MBNL2: variants seen among roughly 807,000 people sequenced by gnomAD.
MBNL2 encodes the protein muscleblind-like protein 2.
MBNL2 carries 17 observed loss-of-function variants against 41.9 expected under a neutral mutation model. The ratio of observed to expected loss-of-function variants is 0.41; its 90% confidence interval spans 0.28 to 0.61. The LOEUF is 0.61. Ranked by LOEUF, MBNL2 falls within the 20% of genes least tolerant of loss-of-function variation. The pLI, the probability that MBNL2 is intolerant of heterozygous loss-of-function variation, is 0.35. For missense variants in MBNL2, 336 were observed against 505.6 expected (o/e 0.66, Z 3.22); for synonymous variants, 195 against 182.9 (o/e 1.07, Z -0.53).
At chr13:97,299,648 A>ATATCTATCTATCTATCTATCTATC (rs59785563) in intron 2 of MBNL2, among the ~76,000 whole-genome samples, 4 of 149,250 alleles carry the variant, frequency 2.7e-5, no homozygotes, top group East Asian at 2.0e-4. Flanking sequence ...TAGAATTACT[A>ATATCTATCTATCTATCTATCTATC]TATCTATCTA....
the MBNL2 span, among the ~76,000 whole-genome samples, chr13:97,169,534 G>A: frequency 1.3e-5 from 2 of 152,200 alleles, no homozygotes; most frequent in African/African-American, 4.8e-5. Context: ...AGTTTTCTGA[G>A]AAAACTCAAG....
the MBNL2 span, among the ~76,000 whole-genome samples, chr13:97,213,931 G>A: frequency 2.6e-5 from 4 of 152,052 alleles, no homozygotes; most frequent in Non-Finnish European, 4.4e-5. Context: ...TATTCCCCAC[G>A]TCCATTCCAT....
At chr13:97,214,556 A>C in the MBNL2 span, among the ~76,000 whole-genome samples, 1 of 152,198 alleles carries the variant, frequency 6.6e-6, no homozygotes, top group Non-Finnish European at 1.5e-5. Context: ...TCCGATAGCC[A>C]CTGGACCCAT....
intron 2 of MBNL2, among the ~76,000 whole-genome samples, chr13:97,299,975 A>G (rs1018419453): frequency 2.0e-5 from 3 of 152,178 alleles, no homozygotes; most frequent in African/African-American, 7.2e-5. Context: ...GTGTTCTTCC[A>G]TCATTCAAGG....
the MBNL2 span, among the ~76,000 whole-genome samples, chr13:97,152,595 C>T: frequency 6.6e-6 from 1 of 152,048 alleles, no homozygotes; most frequent in Non-Finnish European, 1.5e-5. Context: ...TTCTCAATAC[C>T]ACACTGGAAA....
intron 1 of MBNL2, among the ~76,000 whole-genome samples, chr13:97,231,798 G>A (rs1361166601): frequency 6.6e-6 from 1 of 151,710 alleles, no homozygotes; most frequent in Non-Finnish European, 1.5e-5. Flanking sequence ...CTGCTCCAGA[G>A]TTGTTTTTTT....
the MBNL2 span, among the ~76,000 whole-genome samples, chr13:97,148,930 C>A: frequency 6.6e-6 from 1 of 152,236 alleles, no homozygotes; most frequent in Non-Finnish European, 1.5e-5. Flanking sequence ...CATGCATACA[C>A]ACAAGAACAT....
intron 1 of MBNL2, among the ~76,000 whole-genome samples, chr13:97,260,438 A>G (rs1424167044): frequency 6.6e-6 from 1 of 152,172 alleles, no homozygotes; most frequent in Non-Finnish European, 1.5e-5. Flanking sequence ...GTCCCTCAGG[A>G]TGATTTATTG....
chr13:97,150,596 T>G, the MBNL2 span, among the ~76,000 whole-genome samples: 1 of 152,228 alleles, frequency 6.6e-6, no homozygotes, highest in Admixed American at 6.5e-5. Flanking sequence ...GACTTCATTT[T>G]CACTCAATGC....
the MBNL2 span, among the ~76,000 whole-genome samples, chr13:97,188,128 C>T: frequency 6.6e-6 from 1 of 152,120 alleles, no homozygotes; most frequent in Admixed American, 6.5e-5. Flanking sequence ...AATGAAGTTA[C>T]AAAAGGTGAG....
At chr13:97,271,442 T>TTATA (rs1489701344) in intron 1 of MBNL2, among the ~76,000 whole-genome samples, 4 of 150,762 alleles carry the variant, frequency 2.7e-5, no homozygotes, top group African/African-American at 9.9e-5. Context: ...ATTTATTTAT[T>TTATA]TCTAAAAAAA....
At chr13:97,357,732 A>C in intron 7 of MBNL2, 97 bp downstream of exon 7, 1 of 1,176,290 alleles carries the variant, frequency 8.5e-7, no homozygotes, top group African/African-American at 1.5e-5. Context: ...TTGCTTTTGA[A>C]GGTATAATAC....
the MBNL2 span, among the ~76,000 whole-genome samples, chr13:97,214,260 CTT>C: frequency 6.6e-6 from 1 of 152,300 alleles, no homozygotes; most frequent in East Asian, 1.9e-4. Context: ...CTTTTCGACT[CTT>C]TCCTGGTTTT....
chr13:97,219,652 C>T (rs1361354414), upstream of MBNL2, among the ~76,000 whole-genome samples: 3 of 152,154 alleles, frequency 2.0e-5, no homozygotes, highest in Admixed American at 1.3e-4. Flanking sequence ...TCCACCCTCA[C>T]GACCTCATCT....
rs117655763 is a variant in MBNL2 at position 97,297,696 on chromosome 13, C to T, written c.174+21287C>T. ...CTCTGCAACAATAGAGACTAAGATGCTGCTTAAAGGCCTTGCTGCATGTTG... is the reference window on the plus strand; with the variant it reads ...CTCTGCAACAATAGAGACTAAGATGTTGCTTAAAGGCCTTGCTGCATGTTG... On this transcript the variant is annotated intron_variant, in intron 2 of 8. Coordinates refer to ENST00000679496, the MANE Select transcript of MBNL2 (RefSeq NM_001382683.1). Among the ~76,000 whole-genome samples, 14 of 152,322 alleles carry T rather than the reference C, an allele frequency of 9.2e-5. No individual in the cohort carries two copies. In the East Asian group the frequency reaches 2.7e-3, roughly 29 times the overall value.
chr13:97,285,788 G>A (rs1040212678), intron 2 of MBNL2, among the ~76,000 whole-genome samples: 1 of 150,940 alleles, frequency 6.6e-6, no homozygotes, highest in Non-Finnish European at 1.5e-5. Flanking sequence ...AATCATCCTT[G>A]GAAGACTGTA....
intron 2 of MBNL2, among the ~76,000 whole-genome samples, chr13:97,328,453 C>T (rs1478330785): frequency 2.6e-5 from 4 of 152,216 alleles, no homozygotes; most frequent in Non-Finnish European, 5.9e-5. Context: ...CAGCACTTGC[C>T]GTTCCGCGGC....
At chr13:97,214,410 T>A in the MBNL2 span, among the ~76,000 whole-genome samples, 1 of 152,232 alleles carries the variant, frequency 6.6e-6, no homozygotes, top group African/African-American at 2.4e-5. Context: ...GTTTAACAAA[T>A]ATTTATTGTC....
the MBNL2 span, among the ~76,000 whole-genome samples, chr13:97,215,007 C>A: frequency 5.3e-5 from 8 of 152,232 alleles, no homozygotes; most frequent in Non-Finnish European, 1.0e-4. Flanking sequence ...TCACTCAGCC[C>A]CTGCCTCAGA....
Sources: allele counts gnomAD v4.1 joint callset (sites outside exome capture counted in the v4.1 genomes callset), GRCh38; gene constraint gnomAD v4.1.1; transcripts MANE v1.5; gene names NCBI Gene and HGNC (gene_info 2026-07-23, HGNC 2026-07-21).